The following PLEKHH2 variants were observed in gnomAD, a reference collection of about 807,000 sequenced individuals.
The protein encoded by PLEKHH2 is pleckstrin homology, MyTH4 and FERM domain containing H2.
A neutral mutation model predicts 187.9 loss-of-function variants in PLEKHH2; 129 were observed. That is an observed-to-expected ratio of 0.69 (90% CI 0.59 to 0.79). The LOEUF (loss-of-function observed/expected upper bound fraction) is 0.79, where lower values mean the gene tolerates loss of function less well. Ranked by LOEUF, PLEKHH2 falls within the 30% of genes least tolerant of loss-of-function variation. The pLI is 0.00. For missense variants in PLEKHH2, 2,076 were observed against 1,751.2 expected (o/e 1.19, Z -3.31); for synonymous variants, 686 against 605.6 (o/e 1.13, Z -1.95).
intron 4 of PLEKHH2, among the ~76,000 whole-genome samples, chr2:43,693,740 A>AAAAAAAAAAAAG (rs1668950999): frequency 6.8e-6 from 1 of 146,584 alleles, no homozygotes; most frequent in Admixed American, 6.8e-5. Flanking sequence ...AAAAAAAAAA[A>AAAAAAAAAAAAG]GGAAAAAATT....
chr2:43,738,833 TA>T (rs1249729280), intron 20 of PLEKHH2, among the ~76,000 whole-genome samples: 2 of 152,228 alleles, frequency 1.3e-5, no homozygotes, highest in East Asian at 3.8e-4. Flanking sequence ...ATGGTCATGT[TA>T]ACATTAAGTA....
intron 2 of PLEKHH2, among the ~76,000 whole-genome samples, chr2:43,656,325 T>G (rs1470499654): frequency 6.6e-6 from 1 of 152,212 alleles, no homozygotes; most frequent in Non-Finnish European, 1.5e-5. Context: ...TACATTTATT[T>G]TTGGTATATG....
chr2:43,676,010 T>A (rs1667753231), intron 2 of PLEKHH2: 1 of 1,613,868 alleles, frequency 6.2e-7, no homozygotes, highest in African/African-American at 1.3e-5. Context: ...AAATTATCAT[T>A]TTTAGTATCG....
intron 14 of PLEKHH2, 151 bp downstream of exon 14, chr2:43,710,726 C>G: frequency 7.1e-7 from 1 of 1,416,992 alleles, no homozygotes; most frequent in Non-Finnish European, 9.2e-7. Context: ...ATGTGAAACT[C>G]CACGAATTTT....
chr2:43,725,556 G>T (rs11695642), intron 16 of PLEKHH2, among the ~76,000 whole-genome samples: 62,156 of 151,970 alleles, frequency 0.41, 13,069 homozygotes, highest in Middle Eastern at 0.46. Flanking sequence ...TTTGAGCTGC[G>T]TTTTTAAAAA....
chr2:43,645,370 A>C (rs1478568344), intron 2 of PLEKHH2, among the ~76,000 whole-genome samples: 1 of 152,158 alleles, frequency 6.6e-6, no homozygotes, highest in East Asian at 1.9e-4. Context: ...TTCATTCAAC[A>C]AATATTCTTT....
chr2:43,733,949 A>T (rs1286482654), intron 19 of PLEKHH2, among the ~76,000 whole-genome samples: 1 of 152,244 alleles, frequency 6.6e-6, no homozygotes, highest in Non-Finnish European at 1.5e-5. Context: ...ATAAGAAAAT[A>T]TAAATGACCA....
intron 2 of PLEKHH2, chr2:43,675,311 C>G: frequency 9.1e-7 from 1 of 1,099,260 alleles, no homozygotes; most frequent in Non-Finnish European, 1.3e-6. Flanking sequence ...TACACTGTAT[C>G]AGAATTTGGA....
At chr2:43,677,777 G>C (rs1318034525) in intron 2 of PLEKHH2, among the ~76,000 whole-genome samples, 2 of 151,126 alleles carry the variant, frequency 1.3e-5, no homozygotes, top group South Asian at 4.2e-4. Context: ...AGGGGTGGCT[G>C]GGCAGAGGCG....
At chr2:43,645,471 A>G (rs1666139635) in intron 2 of PLEKHH2, among the ~76,000 whole-genome samples, 1 of 152,136 alleles carries the variant, frequency 6.6e-6, no homozygotes, top group African/African-American at 2.4e-5. Flanking sequence ...GGGAACTTGA[A>G]TTCTAGACCT....
intron 16 of PLEKHH2, among the ~76,000 whole-genome samples, chr2:43,723,374 A>C (rs1048337199): frequency 5.3e-5 from 8 of 152,190 alleles, no homozygotes; most frequent in African/African-American, 1.7e-4. Context: ...CAAGACATAA[A>C]GGTGAACACT....
At chr2:43,658,058 A>T (rs547249033) in intron 2 of PLEKHH2, among the ~76,000 whole-genome samples, 1 of 152,324 alleles carries the variant, frequency 6.6e-6, no homozygotes, top group African/African-American at 2.4e-5. Flanking sequence ...CCCATTGAAT[A>T]TTTCTTCATC....
intron 6 of PLEKHH2, 141 bp from the exon 7 acceptor site, chr2:43,697,030 A>G: frequency 1.7e-6 from 1 of 574,752 alleles, no homozygotes; most frequent in African/African-American, 1.9e-5. Context: ...GTTCTATGTT[A>G]TTGTACATCA....
At chr2:43,699,230 T>G (rs541638070) in intron 7 of PLEKHH2, among the ~76,000 whole-genome samples, 11 of 152,340 alleles carry the variant, frequency 7.2e-5, no homozygotes, top group Admixed American at 5.2e-4. Context: ...CAACATGTTT[T>G]TTTGTAAAAA....
chr2:43,709,288 T>G (rs947541753), intron 11 of PLEKHH2, among the ~76,000 whole-genome samples: 2 of 152,210 alleles, frequency 1.3e-5, no homozygotes, highest in African/African-American at 4.8e-5. Context: ...TGAATTGTGT[T>G]TTTTTAAAAT....
At chr2:43,698,576 G>A (rs1012974893) in intron 7 of PLEKHH2, among the ~76,000 whole-genome samples, 5 of 152,020 alleles carry the variant, frequency 3.3e-5, no homozygotes, top group African/African-American at 1.2e-4. Flanking sequence ...TGCCTTTTGA[G>A]AAGCCATTTT....
At chr2:43,678,777 G>C in intron 2 of PLEKHH2, 86 bp from the exon 3 acceptor site, 1 of 1,045,474 alleles carries the variant, frequency 9.6e-7, no homozygotes, top group Non-Finnish European at 1.4e-6. Flanking sequence ...GGTGGAGGTA[G>C]AATTATGAGA....
At chr2:43,678,957 G>A (rs752178458) in intron 3 of PLEKHH2, 32 bp downstream of exon 3, 1 of 1,460,984 alleles carries the variant, frequency 6.8e-7, no homozygotes, top group Admixed American at 1.7e-5. Context: ...AATTTTTTTT[G>A]CCTGTACTAC....
At chr2:43,710,707 C>T in intron 14 of PLEKHH2, 132 bp downstream of exon 14, 2 of 1,444,746 alleles carry the variant, frequency 1.4e-6, no homozygotes, top group Non-Finnish European at 1.8e-6. Context: ...AGTTTGATGC[C>T]TTGGAAGTAT....
Sources: gnomAD v4.1 joint callset for allele counts (sites outside exome capture counted in the v4.1 genomes callset) on GRCh38, gnomAD v4.1.1 for gene constraint, MANE v1.5 for transcripts, NCBI Gene and HGNC (gene_info 2026-07-23, HGNC 2026-07-21) for gene names.